VWF: variants seen among roughly 807,000 people sequenced by gnomAD.
VWF encodes the protein von Willebrand factor.
VWF carries 176 observed loss-of-function variants against 308.6 expected under a neutral mutation model. The observed-to-expected ratio is 0.57, with a 90% CI of 0.50 to 0.65. VWF has a LOEUF of 0.65. Ranked by LOEUF, VWF falls within the 30% of genes least tolerant of loss-of-function variation. The pLI, the probability that VWF is intolerant of heterozygous loss-of-function variation, is 0.00. For missense variants in VWF, 3,146 were observed against 3,648.2 expected, an observed-to-expected ratio of 0.86 and a Z score of 3.55; for synonymous variants, 1,385 against 1,443.4, an observed-to-expected ratio of 0.96 and a Z score of 0.92.
chr12:5,952,178 C>T, intron 49 of VWF: 2 of 728,882 alleles, frequency 2.7e-6, no homozygotes, highest in Non-Finnish European at 2.3e-6. Context: ...ACTCAGCCTC[C>T]CTTAAGGAAA....
In VWF at chr12:6,025,750, G is replaced by C. The variant is rs576216137; in HGVS notation, c.3109-57C>G. The C allele has an allele frequency of 7.3e-5, 105 of 1,441,798 alleles. 1 individual carries two copies. In the African/African-American group the frequency reaches 1.4e-3, roughly 19 times the overall value. The allele number at this position is 1,441,798 out of a possible 1,614,324, so 89.3% of individuals were successfully genotyped here. A position where few individuals can be genotyped will look rare whatever the true frequency, so the allele number is the denominator to read the frequency against. ...CAGCTGGTCAAACTGGGGTTATTCA[G>C]CCCAGAAGGATCCAAGAGACCCTCC... On this transcript the variant is annotated intron_variant, in intron 23 of 51. Coordinates refer to ENST00000261405, the MANE Select transcript of VWF (RefSeq NM_000552.5).
chr12:6,090,501 C>T (rs571483695), intron 6 of VWF, among the ~76,000 whole-genome samples: 16 of 152,256 alleles, frequency 1.1e-4, no homozygotes, highest in African/African-American at 3.6e-4. Flanking sequence ...TAAAGCCCGG[C>T]GTGTGCTTGT....
At position 6,065,106 on chromosome 12, in the gene VWF, C is replaced by A. The variant is rs543986181; in HGVS notation, c.1293+31G>T. 10 of 1,613,924 alleles carry A rather than the reference C, an allele frequency of 6.2e-6. No homozygotes were observed. The South Asian group carries it at 8.8e-5, about 14-fold the overall frequency. ...AGCTATGCAGCACCTTGGGCTACCA[C>A]CCGACCAGCAGCCGGGCTGGCAAAG... On this transcript the variant is annotated intron_variant, in intron 11 of 51. Transcript: ENST00000261405.
intron 42 of VWF, among the ~76,000 whole-genome samples, chr12:5,977,979 C>G (rs1399796272): frequency 3.4e-5 from 5 of 148,674 alleles, no homozygotes; most frequent in African/African-American, 1.2e-4. Context: ...GGGAATATGT[C>G]TTGTTTTATA....
Position 5,962,013 on chromosome 12 carries a change from C to T in VWF, c.7887+5473G>A, listed in dbSNP as rs150619902. 8.0e-3 allele frequency among the ~76,000 whole-genome samples: 1,221 copies of T among 152,104 alleles called. 21 individuals carry two copies. The highest frequency in any genetic ancestry group is 0.028 in the African/African-American group (1,173 of 41,506). ...GCCCTAGTGCCTTTTGCCTTTCCAC[C>T]TTCTGCCACATGTGGATGCCATGAG... On this transcript the variant is annotated intron_variant, in intron 47 of 51. Transcript: ENST00000261405.
In VWF at chr12:6,031,571, C is replaced by A; in HGVS notation, c.2693G>T (p.Cys898Phe). 6.2e-7 allele frequency: 1 copy of A among 1,614,110 alleles called. No homozygotes were observed. The highest frequency in any genetic ancestry group is 1.7e-4 in the Middle Eastern group (1 of 6,048). Residue 898 changes from cysteine to phenylalanine, a missense_variant, in exon 21 of 52, where the codon TGC becomes TTC. By Grantham distance (205) the Cys-to-Phe change is radical. Transcript: ENST00000261405. ...ECQYVLVQDYCGSNPGTFRIL... is the reference protein window; with the variant it reads ...ECQYVLVQDYFGSNPGTFRIL... Reference sequence around the variant, plus strand: ...CCGAAAGGTCCCAGGGTTACTGCCGCAGTAATCCTGGGGAAAGAGGAGTGC... The same window carrying A: ...CCGAAAGGTCCCAGGGTTACTGCCGAAGTAATCCTGGGGAAAGAGGAGTGC...
chr12:6,115,897 G>C (rs938564878), intron 3 of VWF, among the ~76,000 whole-genome samples: 3 of 152,132 alleles, frequency 2.0e-5, no homozygotes, highest in African/African-American at 7.2e-5. Context: ...TTCCACTGTG[G>C]AAATGGAGCA....
intron 34 of VWF, among the ~76,000 whole-genome samples, chr12:5,998,498 AATATATATATATATATATATATAT>A (rs1428821953): frequency 9.7e-5 from 3 of 30,954 alleles, no homozygotes; most frequent in Admixed American, 6.4e-4. Flanking sequence ...AAAAAAAAAA[AATATATATATATATATATATATAT>A]ATATATATAT....
At chr12:6,057,243 C>T (rs1944590452) in intron 14 of VWF, among the ~76,000 whole-genome samples, 171 bp from the exon 15 acceptor site, 2 of 151,574 alleles carry the variant, frequency 1.3e-5, no homozygotes, top group Non-Finnish European at 2.9e-5. Context: ...ATCTTACAAT[C>T]ATCTAACGCT....
intron 47 of VWF, among the ~76,000 whole-genome samples, chr12:5,965,765 A>T (rs1943394813): frequency 6.6e-6 from 1 of 152,174 alleles, no homozygotes; most frequent in Admixed American, 6.5e-5. Flanking sequence ...TTCGTGGCAG[A>T]AGACGTAGTA....
Position 6,073,645 on chromosome 12 carries a change from C to G in VWF, c.971G>C (p.Arg324Pro). ...SLHINEMCQERCVDGCSCPEG... is the reference protein window; with the variant it reads ...SLHINEMCQEPCVDGCSCPEG... ...AGGGCAGCTGCAGCCATCCACGCAT[C>G]GCTCCTGACACATTTCATTGATGTG... The change falls in exon 8 of 52, where the codon CGA (arginine) becomes CCA (proline). Residue 324 changes from arginine (R) to proline (P), a missense_variant. This residue lies in a region of VWF where 1,304 missense variants were observed against 1,353.0 expected (regional missense o/e 0.96). Coordinates refer to ENST00000261405, the MANE Select transcript of VWF (RefSeq NM_000552.5). 2.5e-6 allele frequency: 4 copies of G among 1,614,110 alleles called. No homozygotes were observed. Among genetic ancestry groups the G allele is most frequent in the Non-Finnish European group, 3.4e-6 (4 of 1,180,024 alleles).
chr12:6,018,348 A>C lies in VWF; in HGVS notation c.5053+17T>G. 1 of 1,605,686 alleles carries C rather than the reference A, an allele frequency of 6.2e-7. No homozygotes were observed. The highest frequency in any genetic ancestry group is 8.5e-7 in the Non-Finnish European group (1 of 1,177,830). On this transcript the variant is annotated intron_variant, in intron 28 of 51. Transcript: ENST00000261405. ...CCTCGCCCAGCCCTCCCACCTGCAC[A>C]CAAGGTGCCAGCATACCAGGTGCAG...
intron 13 of VWF, 150 bp downstream of exon 13, chr12:6,062,804 A>C (rs540704283): frequency 4.5e-6 from 3 of 672,586 alleles, no homozygotes; most frequent in Admixed American, 4.9e-5. Flanking sequence ...AGCCTCATAA[A>C]CAAGAGAGGC....
intron 6 of VWF, among the ~76,000 whole-genome samples, chr12:6,077,648 G>A (rs1040423175): frequency 4.6e-5 from 7 of 152,226 alleles, no homozygotes; most frequent in African/African-American, 1.7e-4. Context: ...GCCTGTTGGG[G>A]CCACGTGAAG....
rs1944212668 is a variant in VWF, at chr12:6,027,859, CACACACACACACACACA to C, written c.2967+1466_2967+1482del. Among the ~76,000 whole-genome samples, 3 of 151,816 alleles carry C rather than the reference CACACACACACACACACA, an allele frequency of 2.0e-5. No individual in the cohort carries two copies. In the South Asian group the frequency reaches 6.3e-4, roughly 32 times the overall value. The stretch of plus-strand genomic sequence containing the variant: ...TACATGGAAGACACATACACACACA[CACACACACACACACACA>C]CACACACCCCTAAACAAAAAAACTT... On this transcript the variant is annotated intron_variant, in intron 22 of 51. Coordinates refer to ENST00000261405, the MANE Select transcript of VWF (RefSeq NM_000552.5).
At chr12:5,958,474 G>A (rs1943274898) in intron 47 of VWF, among the ~76,000 whole-genome samples, 1 of 152,186 alleles carries the variant, frequency 6.6e-6, no homozygotes. Context: ...GATCGCTTGA[G>A]CCCAAGAGTT....
At position 6,036,393 on chromosome 12, in the gene VWF, G is replaced by A; in HGVS notation, c.2541C>T (p.Asn847=). The A allele has an allele frequency of 6.2e-7, 1 of 1,614,188 alleles. No homozygotes were observed. Among genetic ancestry groups the A allele is most frequent in the Non-Finnish European group, 8.5e-7 (1 of 1,180,012 alleles). Residue 847 remains asparagine, a synonymous_variant, in exon 19 of 52, where the codon AAC becomes AAT. Transcript: ENST00000261405. Reference sequence around the variant, plus strand: ...AGCCCCTCACTGAGCCTCACCAAGTGTTGCAGCCAATCTTCACTGTTTCTC... The same window carrying A: ...AGCCCCTCACTGAGCCTCACCAAGTATTGCAGCCAATCTTCACTGTTTCTC... ...APGETVKIGC[N]TCVCQDRKWN... is the part of the protein sequence containing the mutation.
intron 3 of VWF, among the ~76,000 whole-genome samples, chr12:6,112,074 G>C (rs1167807506): frequency 6.6e-6 from 1 of 152,212 alleles, no homozygotes; most frequent in Non-Finnish European, 1.5e-5. Context: ...ACCTAAGTTT[G>C]CTGAATTTGA....
chr12:6,102,066 T>C (rs1379364150), intron 5 of VWF, among the ~76,000 whole-genome samples: 1 of 152,246 alleles, frequency 6.6e-6, no homozygotes, highest in Admixed American at 6.5e-5. Flanking sequence ...AGATTCTGCA[T>C]GTGCTCAGAA....
Sources: allele counts gnomAD v4.1 joint callset (sites outside exome capture counted in the v4.1 genomes callset), GRCh38; gene constraint gnomAD v4.1.1; regional missense constraint gnomAD v4.1.1; transcripts MANE v1.5; gene names NCBI Gene and HGNC (gene_info 2026-07-23, HGNC 2026-07-21).